STXBP5L: variants seen among roughly 807,000 people sequenced by gnomAD.
The protein encoded by STXBP5L is syntaxin-binding protein 5-like.
STXBP5L carries 65 observed loss-of-function variants against 144.5 expected under a neutral mutation model. The observed-to-expected ratio is 0.45, with a 90% CI of 0.37 to 0.55. STXBP5L has a LOEUF of 0.55. Ranked by LOEUF, STXBP5L falls within the 20% of genes least tolerant of loss-of-function variation. The pLI is 0.00. For synonymous variants in STXBP5L, 505 were observed against 469.6 expected (o/e 1.08, Z -0.97); for missense variants, 1,298 against 1,405.5 (o/e 0.92, Z 1.22).
At chr3:121,084,529 ACGTGATCT>A (rs1474647229) in intron 5 of STXBP5L, among the ~76,000 whole-genome samples, 1 of 152,174 alleles carries the variant, frequency 6.6e-6, no homozygotes, top group Non-Finnish European at 1.5e-5. Context: ...CCTGCAAAGG[ACGTGATCT>A]CATTCCTTTT....
At chr3:121,360,318 C>T (rs1338124438) in intron 20 of STXBP5L, among the ~76,000 whole-genome samples, 1 of 151,572 alleles carries the variant, frequency 6.6e-6, no homozygotes, top group East Asian at 1.9e-4. Flanking sequence ...TTCTTGTAGG[C>T]AGCAGATCAA....
At chr3:121,173,099 T>C (rs2046792051) in intron 9 of STXBP5L, among the ~76,000 whole-genome samples, 1 of 151,992 alleles carries the variant, frequency 6.6e-6, no homozygotes, top group Non-Finnish European at 1.5e-5. Context: ...ACACCGCATG[T>C]TCTCACTCAT....
At chr3:121,287,492 A>G (rs1354274707) in intron 19 of STXBP5L, among the ~76,000 whole-genome samples, 1 of 152,212 alleles carries the variant, frequency 6.6e-6, no homozygotes, top group Non-Finnish European at 1.5e-5. Flanking sequence ...ATCATCAAAA[A>G]TAAGAAGTAC....
intron 5 of STXBP5L, among the ~76,000 whole-genome samples, chr3:121,096,788 C>T (rs1285623210): frequency 1.3e-5 from 2 of 152,188 alleles, no homozygotes; most frequent in East Asian, 1.9e-4. Flanking sequence ...TCAGCCCCTA[C>T]TGGGAGGTGT....
intron 7 of STXBP5L, among the ~76,000 whole-genome samples, chr3:121,128,871 A>G (rs1161582195): frequency 6.6e-6 from 1 of 152,132 alleles, no homozygotes; most frequent in Non-Finnish European, 1.5e-5. Flanking sequence ...TTCAGAATCT[A>G]TTGATTAAAA....
chr3:120,925,564 A>G (rs1345125706), intron 2 of STXBP5L, among the ~76,000 whole-genome samples: 1 of 152,270 alleles, frequency 6.6e-6, no homozygotes, highest in Admixed American at 6.5e-5. Context: ...TAAGGAGTAT[A>G]TAGTTGGGTC....
chr3:121,272,538 C>G (rs750151901), intron 18 of STXBP5L, among the ~76,000 whole-genome samples: 57 of 152,154 alleles, frequency 3.7e-4, no homozygotes, highest in Admixed American at 7.9e-4. Context: ...TTGTAGGCAG[C>G]ATATAGTTGG....
At chr3:121,125,197 A>C (rs930315662) in intron 7 of STXBP5L, among the ~76,000 whole-genome samples, 1 of 152,080 alleles carries the variant, frequency 6.6e-6, no homozygotes. Flanking sequence ...GGTTGGGCGC[A>C]GTGGCTCACA....
rs2047404545 is a variant in STXBP5L, at chr3:121,423,826, T to C, written c.*4729T>C. ...GAAGGCAAGATGTAAGATATAGTAATGGTATTTATTCTGTATGTCTCACAG... is the reference window on the plus strand; with the variant it reads ...GAAGGCAAGATGTAAGATATAGTAACGGTATTTATTCTGTATGTCTCACAG... On this transcript the variant is annotated 3_prime_UTR_variant, in exon 27 of 27. Transcript: ENST00000471454. 6.6e-6 allele frequency: 1 copy of C among 152,216 alleles called. No individual in the cohort carries two copies. Among genetic ancestry groups the C allele is most frequent in the African/African-American group, 2.4e-5 (1 of 41,452 alleles). The allele number at this position is 152,216 out of a possible 1,614,324, so 9.4% of individuals were successfully genotyped here.
chr3:120,988,392 C>G (rs1942508656), intron 3 of STXBP5L, among the ~76,000 whole-genome samples: 1 of 151,832 alleles, frequency 6.6e-6, no homozygotes. Flanking sequence ...AATTAATTTG[C>G]AAGTGTTTGG....
intron 22 of STXBP5L, among the ~76,000 whole-genome samples, chr3:121,384,988 A>T (rs3898024): frequency 0.094 from 14,272 of 151,972 alleles, 956 homozygotes; most frequent in African/African-American, 0.18. Context: ...GTTCTGCCAT[A>T]CAAAGTACCT....
At chr3:121,405,179 C>T (rs2046967444) in intron 22 of STXBP5L, among the ~76,000 whole-genome samples, 1 of 152,060 alleles carries the variant, frequency 6.6e-6, no homozygotes, top group Non-Finnish European at 1.5e-5. Context: ...TCAAATAGAT[C>T]CATAGTGGGG....
At chr3:120,996,902 C>T (rs569920759) in intron 3 of STXBP5L, among the ~76,000 whole-genome samples, 1 of 152,238 alleles carries the variant, frequency 6.6e-6, no homozygotes, top group African/African-American at 2.4e-5. Flanking sequence ...TATATCATCA[C>T]TCAGGTAATG....
chr3:121,367,790 C>CTTTT (rs200992044), intron 20 of STXBP5L, among the ~76,000 whole-genome samples: 6 of 106,304 alleles, frequency 5.6e-5, no homozygotes, highest in African/African-American at 2.3e-4. Flanking sequence ...TTTGCTTTTC[C>CTTTT]TTTTTTTTTT....
chr3:121,188,806 T>C, intron 9 of STXBP5L, among the ~76,000 whole-genome samples: 1 of 152,234 alleles, frequency 6.6e-6, no homozygotes, highest in East Asian at 1.9e-4. Context: ...ATGGAACATA[T>C]CTCCAAATAA....
intron 9 of STXBP5L, among the ~76,000 whole-genome samples, chr3:121,165,313 T>C (rs1207067456): frequency 6.6e-6 from 1 of 152,186 alleles, no homozygotes; most frequent in Non-Finnish European, 1.5e-5. Flanking sequence ...TGAAAGATGT[T>C]TTATCTGCAT....
intron 3 of STXBP5L, among the ~76,000 whole-genome samples, chr3:120,994,683 C>T (rs1224136944): frequency 1.3e-5 from 2 of 151,992 alleles, no homozygotes; most frequent in Non-Finnish European, 2.9e-5. Context: ...ATTGGGTTTG[C>T]TAGTATTCTG....
chr3:121,042,560 G>C (rs1302003594), intron 4 of STXBP5L, among the ~76,000 whole-genome samples: 3 of 152,036 alleles, frequency 2.0e-5, no homozygotes, highest in Non-Finnish European at 2.9e-5. Flanking sequence ...AAAATGTTTG[G>C]TTATTTTCTC....
At chr3:121,367,595 GTTT>G (rs57288480) in intron 20 of STXBP5L, among the ~76,000 whole-genome samples, 4 of 51,360 alleles carry the variant, frequency 7.8e-5, no homozygotes, top group East Asian at 6.8e-4. Context: ...TTCGACTCTT[GTTT>G]TTTTTTTTTT....
Sources: gnomAD v4.1 joint callset for allele counts (sites outside exome capture counted in the v4.1 genomes callset) on GRCh38, gnomAD v4.1.1 for gene constraint, MANE v1.5 for transcripts, NCBI Gene and HGNC (gene_info 2026-07-23, HGNC 2026-07-21) for gene names.